CACNA2D1: variants seen among roughly 807,000 people sequenced by gnomAD.
CACNA2D1 encodes calcium voltage-gated channel auxiliary subunit alpha2delta 1, also known as voltage-dependent calcium channel subunit alpha-2/delta-1.
A neutral mutation model predicts 171.5 loss-of-function variants in CACNA2D1; 53 were observed. That is an observed-to-expected ratio of 0.31 (90% confidence interval 0.25 to 0.39). The LOEUF (loss-of-function observed/expected upper bound fraction) is 0.39, where lower values mean the gene tolerates loss of function less well. Ranked by LOEUF, CACNA2D1 falls within the 10% of genes least tolerant of loss-of-function variation. The probability of loss-of-function intolerance (pLI) is 1.00; values close to 1 mark genes in which losing one functional copy is unlikely to be tolerated. For missense variants in CACNA2D1, 903 were observed against 1,299.8 expected, an observed-to-expected ratio of 0.69 and a Z score of 4.69; for synonymous variants, 442 against 443.1, an observed-to-expected ratio of 1.00 and a Z score of 0.03.
chr7:82,060,190 T>TATATATATAATATATATATAA (rs1491114373), intron 10 of CACNA2D1, among the ~76,000 whole-genome samples: 4 of 13,128 alleles, frequency 3.0e-4, no homozygotes, highest in African/African-American at 5.7e-4. Flanking sequence ...TATATATATA[T>TATATATATAATATATATATAA]TATATATATA....
intron 4 of CACNA2D1, among the ~76,000 whole-genome samples, chr7:82,170,210 C>T (rs1276454788): frequency 6.6e-6 from 1 of 151,776 alleles, no homozygotes; most frequent in African/African-American, 2.4e-5. Context: ...CTTGTATATT[C>T]ATAATATCGA....
intron 4 of CACNA2D1, among the ~76,000 whole-genome samples, chr7:82,163,965 G>GT (rs1384633346): frequency 2.6e-5 from 4 of 151,850 alleles, no homozygotes; most frequent in Non-Finnish European, 5.9e-5. Flanking sequence ...AGAGCCAAGA[G>GT]TTTTTAGATT....
intron 6 of CACNA2D1, among the ~76,000 whole-genome samples, chr7:82,113,609 G>A (rs1788695884): frequency 6.6e-6 from 1 of 152,158 alleles, no homozygotes. Flanking sequence ...TTTCTTATGA[G>A]AGTGTAGCTA....
chr7:81,968,955 T>C lies in CACNA2D1; in HGVS notation c.2327A>G (p.Tyr776Cys), dbSNP rs746924720. The change falls in exon 29 of 39, where the codon TAT becomes TGT. Residue 776 changes from tyrosine to cysteine, a missense_variant. This residue lies in a region of CACNA2D1 where 623 missense variants were observed against 925.5 expected (regional missense o/e 0.67). Transcript: ENST00000356860. ...PYFNKSGPGA[Y>C]ESGIMVSKAV... Reference sequence around the variant, plus strand: ...TTTGCTTACCATAATGCCCGATTCATAGGCACCAGGTCCACTTTCTAAAAA... The same window carrying C: ...TTTGCTTACCATAATGCCCGATTCACAGGCACCAGGTCCACTTTCTAAAAA... The C allele has an allele frequency of 2.5e-6, 4 of 1,587,898 alleles. No individual in the cohort carries two copies. The highest frequency in any genetic ancestry group is 8.6e-7 in the Non-Finnish European group (1 of 1,158,472).
chr7:82,417,278 C>T (rs1828276222), intron 1 of CACNA2D1, among the ~76,000 whole-genome samples: 1 of 152,150 alleles, frequency 6.6e-6, no homozygotes, highest in Non-Finnish European at 1.5e-5. Context: ...GGCTAGACTA[C>T]AGGCAAAAAC....
intron 3 of CACNA2D1, among the ~76,000 whole-genome samples, chr7:82,185,519 GGGAGGA>G (rs1251829346): frequency 5.1e-5 from 2 of 39,268 alleles, no homozygotes; most frequent in African/African-American, 1.9e-4. Flanking sequence ...GGGGAGGAGG[GGGAGGA>G]GGAGGAGGGG....
chr7:82,369,182 T>C (rs1822078250), intron 1 of CACNA2D1, among the ~76,000 whole-genome samples: 1 of 152,150 alleles, frequency 6.6e-6, no homozygotes, highest in Admixed American at 6.6e-5. Flanking sequence ...AGTAATTATT[T>C]ATTTATCAAA....
chr7:82,046,417 C>T (rs537464624), intron 10 of CACNA2D1, among the ~76,000 whole-genome samples: 4 of 152,240 alleles, frequency 2.6e-5, no homozygotes, highest in South Asian at 2.1e-4. Context: ...TGCTGGTTTG[C>T]GGTTTCCTTG....
intron 3 of CACNA2D1, among the ~76,000 whole-genome samples, chr7:82,268,797 A>T (rs1312454705): frequency 2.0e-5 from 3 of 152,166 alleles, no homozygotes; most frequent in African/African-American, 4.8e-5. Flanking sequence ...CAAGACAGTA[A>T]ATCCAAAAAG....
intron 12 of CACNA2D1, chr7:82,021,143 G>C (rs1801155682): frequency 6.6e-6 from 1 of 152,054 alleles, no homozygotes; most frequent in Non-Finnish European, 1.5e-5. Context: ...GGAAGAATAA[G>C]CTACGGGCCC....
intron 9 of CACNA2D1, among the ~76,000 whole-genome samples, chr7:82,062,621 T>C (rs1174653227): frequency 6.6e-6 from 1 of 151,518 alleles, no homozygotes; most frequent in Non-Finnish European, 1.5e-5. Context: ...TAATATACTT[T>C]AAGTTTTAGG....
intron 3 of CACNA2D1, among the ~76,000 whole-genome samples, chr7:82,268,691 T>C (rs962437979): frequency 1.8e-4 from 26 of 145,258 alleles, no homozygotes; most frequent in African/African-American, 6.7e-4. Flanking sequence ...CTAGAGAAAG[T>C]GAGAATGGAA....
At chr7:81,957,625 C>T (rs988470639) in intron 38 of CACNA2D1, among the ~76,000 whole-genome samples, 5 of 151,992 alleles carry the variant, frequency 3.3e-5, no homozygotes, top group Admixed American at 2.6e-4. Flanking sequence ...AGATTTCATG[C>T]AATTTGCTGG....
At chr7:82,162,869 T>C (rs1795088396) in intron 4 of CACNA2D1, among the ~76,000 whole-genome samples, 1 of 152,012 alleles carries the variant, frequency 6.6e-6, no homozygotes, top group South Asian at 2.1e-4. Flanking sequence ...CACTAGTGAC[T>C]GCACCCCATG....
chr7:82,350,321 C>G (rs568615529), intron 1 of CACNA2D1, among the ~76,000 whole-genome samples: 1 of 152,118 alleles, frequency 6.6e-6, no homozygotes, highest in African/African-American at 2.4e-5. Context: ...CAGCTTTTAA[C>G]CACTACATAC....
At chr7:82,402,916 A>T in intron 1 of CACNA2D1, among the ~76,000 whole-genome samples, 1 of 152,032 alleles carries the variant, frequency 6.6e-6, no homozygotes, top group East Asian at 1.9e-4. Context: ...ATTATTATTT[A>T]TAATAACGAA....
chr7:81,992,877 A>C (rs953126798), intron 20 of CACNA2D1, among the ~76,000 whole-genome samples: 3 of 152,212 alleles, frequency 2.0e-5, no homozygotes, highest in Non-Finnish European at 4.4e-5. Flanking sequence ...TGCATGAAAT[A>C]GTACAAATGA....
chr7:82,082,074 C>G lies in CACNA2D1; in HGVS notation c.658+2695G>C, dbSNP rs571770388. ...GCATGCTAATTAGTTCTTTAAGTCC[C>G]GCCATCTGCAGCCTAATGGATGGTG... On this transcript the variant is annotated intron_variant, in intron 7 of 38. Coordinates refer to ENST00000356860, the MANE Select transcript of CACNA2D1 (RefSeq NM_000722.4). Among the ~76,000 whole-genome samples, 6 of 152,288 alleles carry G rather than the reference C, an allele frequency of 3.9e-5. No individual in the cohort carries two copies. In the East Asian group the frequency reaches 9.7e-4, roughly 25 times the overall value.
intron 1 of CACNA2D1, among the ~76,000 whole-genome samples, chr7:82,408,834 C>T (rs1360330212): frequency 6.6e-6 from 1 of 151,996 alleles, no homozygotes; most frequent in East Asian, 1.9e-4. Flanking sequence ...ACAGATGGTC[C>T]CAAGAAATTT....
Sources: gnomAD v4.1 joint callset for allele counts (sites outside exome capture counted in the v4.1 genomes callset) on GRCh38, gnomAD v4.1.1 for gene constraint, gnomAD v4.1.1 regional missense constraint, MANE v1.5 for transcripts, NCBI Gene and HGNC (gene_info 2026-07-23, HGNC 2026-07-21) for gene names.